Variants in PRKN observed in about 807,000 individuals in gnomAD.
PRKN encodes the protein E3 ubiquitin-protein ligase parkin.
A neutral mutation model predicts 59.5 loss-of-function variants in PRKN; 56 were observed. The ratio of observed to expected loss-of-function variants is 0.94; its 90% CI spans 0.76 to 1.18. The LOEUF (loss-of-function observed/expected upper bound fraction) is 1.18. Among genes scored for constraint, PRKN ranks in the 50% most tolerant of loss-of-function variants. The pLI is 0.00. For missense variants in PRKN, 657 were observed against 596.4 expected, an observed-to-expected ratio of 1.10 and a Z score of -1.06; for synonymous variants, 250 against 222.1, an observed-to-expected ratio of 1.13 and a Z score of -1.12.
chr6:162,581,890 G>T (rs546916337), intron 1 of PRKN, among the ~76,000 whole-genome samples: 1 of 152,146 alleles, frequency 6.6e-6, no homozygotes, highest in Non-Finnish European at 1.5e-5. Flanking sequence ...TTATGAGAAG[G>T]CTGGTCAAAA....
At chr6:162,591,347 ATT>A (rs1237600726) in intron 1 of PRKN, among the ~76,000 whole-genome samples, 2 of 152,014 alleles carry the variant, frequency 1.3e-5, no homozygotes, top group Non-Finnish European at 2.9e-5. Flanking sequence ...CCTCTTCTTA[ATT>A]TTTTTAAATT....
chr6:161,719,162 A>G (rs1313809987), intron 7 of PRKN, among the ~76,000 whole-genome samples: 2 of 152,204 alleles, frequency 1.3e-5, no homozygotes, highest in East Asian at 1.9e-4. Context: ...CGGATTGCCA[A>G]CATTCTCGAG....
intron 4 of PRKN, among the ~76,000 whole-genome samples, chr6:162,153,126 C>T (rs1267436761): frequency 6.6e-6 from 1 of 152,094 alleles, no homozygotes; most frequent in Admixed American, 6.5e-5. Flanking sequence ...TTTTCTTGAC[C>T]CCTTCACAGG....
Position 162,389,548 on chromosome 6 carries a change from C to G in PRKN, c.171+53762G>C, listed in dbSNP as rs149906876. 5.9e-3 allele frequency among the ~76,000 whole-genome samples: 904 copies of G among 152,282 alleles called. 10 individuals carry two copies. Among genetic ancestry groups the G allele is most frequent in the African/African-American group, 0.021 (858 of 41,558 alleles). On this transcript the variant is annotated intron_variant, in intron 2 of 11. Coordinates refer to ENST00000366898, the MANE Select transcript of PRKN (RefSeq NM_004562.3). ...CCCATTTGCATTCCCTCTACCCAGT[C>G]TAAAAGGTGTCCGATGATTCATTTT...
intron 3 of PRKN, among the ~76,000 whole-genome samples, chr6:162,231,221 C>G (rs1021817946): frequency 6.6e-6 from 1 of 152,138 alleles, no homozygotes; most frequent in Non-Finnish European, 1.5e-5. Context: ...AATACAGAAG[C>G]CAACCCTCCT....
In PRKN at chr6:162,262,664, C is replaced by G. The variant is rs781619606; in HGVS notation, c.273G>C (p.Ala91=). 6.2e-7 allele frequency: 1 copy of G among 1,613,654 alleles called. No individual in the cohort carries two copies. ...NATGGDDPRN[A]AGGCEREPQS... ...GGGGCTCCCGCTCACAGCCTCCCGC[C>G]GCGTTTCTGGGGTCGTCGCCTCCAG... is the stretch of plus-strand genomic sequence containing the variant. The change falls in exon 3 of 12, where the codon GCG becomes GCC. Residue 91 remains alanine, a synonymous_variant. Transcript: ENST00000366898.
At chr6:162,004,270 TTGCTCC>T (rs2128264206) in intron 5 of PRKN, among the ~76,000 whole-genome samples, 1 of 152,324 alleles carries the variant, frequency 6.6e-6, no homozygotes, top group South Asian at 2.1e-4. Flanking sequence ...TCACCCGCTC[TTGCTCC>T]TGCTCCTGCT....
chr6:162,120,208 T>C (rs528830675), intron 4 of PRKN, among the ~76,000 whole-genome samples: 7 of 152,190 alleles, frequency 4.6e-5, no homozygotes, highest in African/African-American at 1.7e-4. Flanking sequence ...TTCACCCTGT[T>C]GCTAAGGCTG....
chr6:162,210,641 C>G (rs184254276), intron 3 of PRKN, among the ~76,000 whole-genome samples: 1 of 152,214 alleles, frequency 6.6e-6, no homozygotes, highest in Non-Finnish European at 1.5e-5. Context: ...TTATGGAACA[C>G]AAACCCTGAT....
At chr6:161,628,769 A>G (rs1783186975) in intron 7 of PRKN, among the ~76,000 whole-genome samples, 1 of 152,210 alleles carries the variant, frequency 6.6e-6, no homozygotes, top group Non-Finnish European at 1.5e-5. Flanking sequence ...TTCATTCAAC[A>G]GACAGAATCG....
At chr6:162,535,343 G>T (rs1196968106) in intron 1 of PRKN, among the ~76,000 whole-genome samples, 2 of 151,938 alleles carry the variant, frequency 1.3e-5, no homozygotes, top group African/African-American at 4.8e-5. Flanking sequence ...TAGAGTCCCT[G>T]GTTCCTATTA....
intron 1 of PRKN, among the ~76,000 whole-genome samples, chr6:162,546,218 C>T (rs1430635237): frequency 1.3e-5 from 2 of 151,186 alleles, no homozygotes; most frequent in East Asian, 3.9e-4. Flanking sequence ...ATGCTCCTGC[C>T]CCAGTCTCCC....
Position 161,488,695 on chromosome 6 carries a change from C to G in PRKN, c.1083+60159G>C, listed in dbSNP as rs923245278. ...AGAGGTGGGGTCTCACTATGTTGCC[C>G]AGGCTGGTCTTGAACTCGGCCTCAA... On this transcript the variant is annotated intron_variant, in intron 9 of 11. Coordinates refer to ENST00000366898, the MANE Select transcript of PRKN (RefSeq NM_004562.3). The surrounding 1 kb of genome is among the most constrained non-coding windows in gnomAD (Gnocchi z 4.5). Among the ~76,000 whole-genome samples the G allele has an allele frequency of 3.3e-5, 5 of 152,162 alleles. No homozygotes were observed. Among genetic ancestry groups the G allele is most frequent in the Admixed American group, 2.0e-4 (3 of 15,274 alleles).
At chr6:161,604,355 G>C (rs1782203561) in intron 7 of PRKN, among the ~76,000 whole-genome samples, 1 of 152,134 alleles carries the variant, frequency 6.6e-6, no homozygotes, top group Non-Finnish European at 1.5e-5. Flanking sequence ...TTTCAAAGTA[G>C]GAGTCATGAA....
At chr6:161,425,082 C>T (rs1344418717) in intron 9 of PRKN, among the ~76,000 whole-genome samples, 1 of 148,506 alleles carries the variant, frequency 6.7e-6, no homozygotes, top group South Asian at 2.2e-4. Flanking sequence ...TATTGAGTGC[C>T]TATGTGCTGA....
At position 162,579,283 on chromosome 6, in the gene PRKN, C is replaced by A. The variant is rs1780687596; in HGVS notation, c.8-135810G>T. Among the ~76,000 whole-genome samples the A allele has an allele frequency of 2.0e-5, 3 of 152,238 alleles. No homozygotes were observed. The South Asian group carries it at 6.2e-4, about 32-fold the overall frequency. Reference sequence around the variant, plus strand: ...CTTTTCAAATCTTTTATCTTCCATGCCCAGCAAATACTCAGACCCAATACT... The same window carrying A: ...CTTTTCAAATCTTTTATCTTCCATGACCAGCAAATACTCAGACCCAATACT... On this transcript the variant is annotated intron_variant, in intron 1 of 11. Coordinates refer to ENST00000366898, the MANE Select transcript of PRKN (RefSeq NM_004562.3).
chr6:162,065,192 A>T (rs998900477), intron 4 of PRKN, among the ~76,000 whole-genome samples: 2 of 152,220 alleles, frequency 1.3e-5, no homozygotes, highest in African/African-American at 4.8e-5. Context: ...TCCGAGTCCA[A>T]AAGCCTCAAA....
At chr6:162,354,240 A>G (rs1180309435) in intron 2 of PRKN, among the ~76,000 whole-genome samples, 1 of 152,162 alleles carries the variant, frequency 6.6e-6, no homozygotes, top group East Asian at 1.9e-4. Flanking sequence ...AGTGGTTGTT[A>G]TCATACCTCG....
intron 4 of PRKN, among the ~76,000 whole-genome samples, chr6:162,149,093 C>T (rs79801728): frequency 2.6e-5 from 4 of 152,110 alleles, no homozygotes; most frequent in African/African-American, 4.8e-5. Flanking sequence ...ACCATTTCTG[C>T]GGCTGTCACC....
Sources: gnomAD v4.1 joint callset for allele counts (sites outside exome capture counted in the v4.1 genomes callset) on GRCh38, gnomAD v4.1.1 for gene constraint, Gnocchi (gnomAD v3.1) non-coding constraint, MANE v1.5 for transcripts, NCBI Gene and HGNC (gene_info 2026-07-23, HGNC 2026-07-21) for gene names.